Variants in SUMF1 observed in about 807,000 individuals in gnomAD.
SUMF1 encodes sulfatase modifying factor 1.
A neutral mutation model predicts 47.6 loss-of-function variants in SUMF1; 48 were observed. That is an observed-to-expected ratio of 1.01 (90% CI 0.80 to 1.28). The LOEUF (loss-of-function observed/expected upper bound fraction) is 1.28, where lower values mean the gene tolerates loss of function less well. SUMF1 is among the 50% of genes most tolerant of loss of function. The probability of loss-of-function intolerance (pLI) is 0.00; values close to 1 mark genes in which losing one functional copy is unlikely to be tolerated. For synonymous variants in SUMF1, 230 were observed against 192.1 expected (o/e 1.20, Z -1.63); for missense variants, 571 against 485.4 (o/e 1.18, Z -1.66).
At chr3:4,452,531 G>A (rs760085273) in intron 2 of SUMF1, among the ~76,000 whole-genome samples, 2 of 152,198 alleles carry the variant, frequency 1.3e-5, no homozygotes, top group Non-Finnish European at 2.9e-5. Flanking sequence ...AAGCCTTAGT[G>A]GACAGTGGTA....
chr3:4,204,649 T>C (rs894424813), intron 8 of SUMF1, among the ~76,000 whole-genome samples: 1 of 152,138 alleles, frequency 6.6e-6, no homozygotes, highest in African/African-American at 2.4e-5. Flanking sequence ...CTTGATCTTA[T>C]AGGCATGCTT....
intron 8 of SUMF1, among the ~76,000 whole-genome samples, chr3:4,248,327 AG>A (rs972278329): frequency 6.6e-6 from 1 of 152,178 alleles, no homozygotes; most frequent in Non-Finnish European, 1.5e-5. Context: ...ACACTTAAGG[AG>A]GGGGAGAAAA....
intron 8 of SUMF1, among the ~76,000 whole-genome samples, chr3:4,090,655 T>C (rs1692765518): frequency 6.6e-6 from 1 of 152,128 alleles, no homozygotes; most frequent in Non-Finnish European, 1.5e-5. Context: ...TTTGTTATTG[T>C]TTGTTTTTGA....
At chr3:4,172,733 T>TA (rs1222576445) in intron 8 of SUMF1, among the ~76,000 whole-genome samples, 9 of 152,154 alleles carry the variant, frequency 5.9e-5, no homozygotes, top group Non-Finnish European at 1.2e-4. Context: ...TAAATTTGTT[T>TA]AACTTCCTTA....
intron 8 of SUMF1, among the ~76,000 whole-genome samples, chr3:4,199,663 T>C (rs1306829196): frequency 2.0e-5 from 3 of 152,274 alleles, no homozygotes; most frequent in Middle Eastern, 3.4e-3. Context: ...ATTATGTATA[T>C]TTTAATAAGT....
intron 3 of SUMF1, among the ~76,000 whole-genome samples, chr3:4,421,275 G>T (rs986192104): frequency 2.6e-5 from 4 of 152,090 alleles, no homozygotes; most frequent in African/African-American, 9.7e-5. Flanking sequence ...GATACAGATA[G>T]TAACAGCACC....
At chr3:4,113,042 T>C (rs1044006155) in intron 8 of SUMF1, among the ~76,000 whole-genome samples, 3 of 152,122 alleles carry the variant, frequency 2.0e-5, no homozygotes, top group Admixed American at 6.5e-5. Flanking sequence ...ATACATTTGG[T>C]AAAGCTGATT....
At chr3:4,171,202 AT>A (rs1171894764) in intron 8 of SUMF1, among the ~76,000 whole-genome samples, 1 of 152,138 alleles carries the variant, frequency 6.6e-6, no homozygotes, top group Non-Finnish European at 1.5e-5. Flanking sequence ...ACTACTAAGG[AT>A]TTTGCCACCA....
intron 8 of SUMF1, among the ~76,000 whole-genome samples, chr3:4,162,940 A>G (rs1418740632): frequency 6.6e-6 from 1 of 152,132 alleles, no homozygotes; most frequent in Non-Finnish European, 1.5e-5. Context: ...ATGAAAGAAA[A>G]ATGAAAAATG....
At chr3:4,377,586 T>C (rs763343900) in intron 7 of SUMF1, among the ~76,000 whole-genome samples, 55 of 151,646 alleles carry the variant, frequency 3.6e-4, no homozygotes, top group Non-Finnish European at 5.3e-4. Flanking sequence ...TCTACCACTG[T>C]AATAAGAATT....
chr3:4,257,663 T>C (rs1696986352), intron 8 of SUMF1, among the ~76,000 whole-genome samples: 1 of 149,330 alleles, frequency 6.7e-6, no homozygotes, highest in African/African-American at 2.5e-5. Context: ...GAAGAATCAA[T>C]ATCATGAAAA....
At chr3:4,299,537 C>G (rs310710) in intron 8 of SUMF1, among the ~76,000 whole-genome samples, 94,518 of 152,152 alleles carry the variant, frequency 0.62, 30,900 homozygotes, top group African/African-American at 0.83. Context: ...GGCCAGATGT[C>G]GTCGCTTATG....
At chr3:4,389,355 G>A (rs1381624129) in intron 7 of SUMF1, among the ~76,000 whole-genome samples, 2 of 150,626 alleles carry the variant, frequency 1.3e-5, no homozygotes, top group Non-Finnish European at 3.0e-5. Context: ...TTCCCTATAG[G>A]TAAGGTGTCA....
At chr3:4,383,651 T>C (rs576869952) in intron 7 of SUMF1, among the ~76,000 whole-genome samples, 1 of 152,304 alleles carries the variant, frequency 6.6e-6, no homozygotes, top group African/African-American at 2.4e-5. Flanking sequence ...GGTATGTTTA[T>C]TATAAACCTC....
chr3:4,316,609 T>C (rs1461481737), intron 8 of SUMF1: 1 of 1,551,332 alleles, frequency 6.4e-7, no homozygotes, highest in East Asian at 2.4e-5. Flanking sequence ...AATCGTCGTT[T>C]TGAAGTGTCA....
chr3:4,386,272 C>G (rs936381452), intron 7 of SUMF1, among the ~76,000 whole-genome samples: 1 of 152,124 alleles, frequency 6.6e-6, no homozygotes, highest in African/African-American at 2.4e-5. Context: ...TTCATTTATT[C>G]AGATATTTCT....
intron 8 of SUMF1, among the ~76,000 whole-genome samples, chr3:4,174,864 G>C (rs1694923163): frequency 6.6e-6 from 1 of 152,202 alleles, no homozygotes; most frequent in Non-Finnish European, 1.5e-5. Flanking sequence ...TTAGCAACCA[G>C]CAGACAAGGT....
intron 8 of SUMF1, among the ~76,000 whole-genome samples, chr3:4,348,034 A>C (rs1291388417): frequency 6.6e-6 from 1 of 152,246 alleles, no homozygotes; most frequent in African/African-American, 2.4e-5. Context: ...GAGAGGACAC[A>C]AACAAATGGA....
chr3:4,411,724 CTT>C (rs1701550601), intron 6 of SUMF1, among the ~76,000 whole-genome samples: 1 of 126,222 alleles, frequency 7.9e-6, no homozygotes, highest in Non-Finnish European at 1.7e-5. Flanking sequence ...AAAAAAAAAA[CTT>C]TAACTGAACA....
Sources: allele counts gnomAD v4.1 joint callset (sites outside exome capture counted in the v4.1 genomes callset), GRCh38; gene constraint gnomAD v4.1.1; transcripts MANE v1.5; gene names NCBI Gene and HGNC (gene_info 2026-07-23, HGNC 2026-07-21).